HIVEP3: variants seen among roughly 807,000 people sequenced by gnomAD.
HIVEP3 encodes the protein transcription factor HIVEP3.
HIVEP3 carries 49 observed loss-of-function variants against 152.8 expected under a neutral mutation model. That is an observed-to-expected ratio of 0.32 (90% CI 0.26 to 0.41). The LOEUF (loss-of-function observed/expected upper bound fraction) is 0.41. Ranked by LOEUF, HIVEP3 falls within the 10% of genes least tolerant of loss-of-function variation. HIVEP3 has a pLI of 1.00. For missense variants in HIVEP3, 2,790 were observed against 3,103.3 expected (o/e 0.90, Z 2.40); for synonymous variants, 1,269 against 1,289.0 (o/e 0.98, Z 0.33).
intron 5 of HIVEP3, among the ~76,000 whole-genome samples, chr1:41,538,930 G>A (rs537368440): frequency 6.6e-6 from 1 of 152,300 alleles, no homozygotes; most frequent in African/African-American, 2.4e-5. Context: ...CGGATTCATG[G>A]GGCATGGGGG....
At chr1:41,903,410 G>C (rs1463596151) in intron 1 of HIVEP3, among the ~76,000 whole-genome samples, 1 of 152,210 alleles carries the variant, frequency 6.6e-6, no homozygotes, top group Non-Finnish European at 1.5e-5. Context: ...CAAGATTCCT[G>C]TGAAGGTAAC....
At chr1:41,777,103 G>C (rs1648751424) in intron 1 of HIVEP3, among the ~76,000 whole-genome samples, 1 of 152,212 alleles carries the variant, frequency 6.6e-6, no homozygotes, top group Non-Finnish European at 1.5e-5. Flanking sequence ...CCTGGCTTCA[G>C]CTGGGCAGCC....
At chr1:41,603,365 G>A (rs1307138726) in intron 3 of HIVEP3, among the ~76,000 whole-genome samples, 2 of 150,372 alleles carry the variant, frequency 1.3e-5, no homozygotes, top group Non-Finnish European at 3.0e-5. Flanking sequence ...ACCGTGCCTG[G>A]CCTATTTATT....
At chr1:41,624,217 T>A (rs1645085379) in intron 3 of HIVEP3, among the ~76,000 whole-genome samples, 1 of 152,136 alleles carries the variant, frequency 6.6e-6, no homozygotes, top group Non-Finnish European at 1.5e-5. Context: ...CCCTCCATTA[T>A]CCTCCAGTAC....
intron 2 of HIVEP3, among the ~76,000 whole-genome samples, chr1:41,659,990 G>A (rs968728510): frequency 6.6e-6 from 1 of 152,228 alleles, no homozygotes; most frequent in African/African-American, 2.4e-5. Flanking sequence ...AGATGTGTGA[G>A]TATGAACAAG....
intron 1 of HIVEP3, among the ~76,000 whole-genome samples, chr1:41,806,193 C>T (rs1211596933): frequency 6.6e-6 from 1 of 152,200 alleles, no homozygotes; most frequent in African/African-American, 2.4e-5. Flanking sequence ...CACCAAGGCC[C>T]CTCTCAGCCT....
upstream of HIVEP3, among the ~76,000 whole-genome samples, chr1:41,920,835 A>T (rs2124475003): frequency 6.6e-6 from 1 of 152,302 alleles, no homozygotes; most frequent in East Asian, 1.9e-4. Flanking sequence ...GACCAACATG[A>T]ATCACTTCAG....
intron 1 of HIVEP3, among the ~76,000 whole-genome samples, chr1:41,731,505 G>T (rs1363634167): frequency 2.6e-5 from 4 of 152,222 alleles, no homozygotes; most frequent in Non-Finnish European, 5.9e-5. Context: ...ACTGACCTAT[G>T]TAACTAACAG....
intron 1 of HIVEP3, among the ~76,000 whole-genome samples, chr1:41,845,429 A>G (rs916833878): frequency 1.4e-5 from 2 of 147,754 alleles, no homozygotes; most frequent in African/African-American, 2.6e-5. Flanking sequence ...GCACACACAC[A>G]CACACACACA....
At chr1:41,854,483 G>A (rs1444482983) in intron 1 of HIVEP3, among the ~76,000 whole-genome samples, 3 of 148,812 alleles carry the variant, frequency 2.0e-5, no homozygotes, top group African/African-American at 7.5e-5. Context: ...CTGGAGCACT[G>A]CTCAGGGCTC....
chr1:41,631,038 T>G (rs904449321), intron 2 of HIVEP3, among the ~76,000 whole-genome samples: 6 of 152,224 alleles, frequency 3.9e-5, no homozygotes, highest in Non-Finnish European at 8.8e-5. Context: ...TTTTAATAAC[T>G]GACTTGCCAG....
intron 1 of HIVEP3, among the ~76,000 whole-genome samples, chr1:41,846,115 C>T (rs1432624886): frequency 6.6e-6 from 1 of 152,126 alleles, no homozygotes; most frequent in Non-Finnish European, 1.5e-5. Context: ...GCACGAATAA[C>T]ATTCATTCCT....
intron 1 of HIVEP3, among the ~76,000 whole-genome samples, chr1:41,928,397 A>C (rs1199984816): frequency 6.6e-5 from 10 of 152,168 alleles, no homozygotes; most frequent in Admixed American, 6.5e-4. Flanking sequence ...AGACTTATAG[A>C]GGAATTGTAA....
At chr1:41,923,930 C>A (rs1644953910) in intron 1 of HIVEP3, among the ~76,000 whole-genome samples, 1 of 151,976 alleles carries the variant, frequency 6.6e-6, no homozygotes, top group African/African-American at 2.4e-5. Flanking sequence ...GAAAGAAAAG[C>A]ATGTGGTCAT....
At chr1:41,811,867 T>C (rs1650981339) in intron 1 of HIVEP3, among the ~76,000 whole-genome samples, 1 of 151,882 alleles carries the variant, frequency 6.6e-6, no homozygotes, top group Non-Finnish European at 1.5e-5. Flanking sequence ...ACAATTAATA[T>C]AAAGAACCAT....
At chr1:41,599,672 A>G (rs961270689) in intron 3 of HIVEP3, among the ~76,000 whole-genome samples, 3 of 152,214 alleles carry the variant, frequency 2.0e-5, no homozygotes, top group Non-Finnish European at 4.4e-5. Context: ...TGGATTTGGC[A>G]GTAACTTCTT....
At chr1:41,800,280 C>T (rs1650227106) in intron 1 of HIVEP3, among the ~76,000 whole-genome samples, 1 of 152,292 alleles carries the variant, frequency 6.6e-6, no homozygotes, top group African/African-American at 2.4e-5. Context: ...TTCCTTTGGT[C>T]CAAAGGATGT....
intron 5 of HIVEP3, among the ~76,000 whole-genome samples, chr1:41,529,628 C>G (rs1219554155): frequency 6.8e-6 from 1 of 146,178 alleles, no homozygotes. Flanking sequence ...CCCCACACCC[C>G]CCACACCCTC....
intron 1 of HIVEP3, among the ~76,000 whole-genome samples, chr1:41,785,195 C>T (rs1231199035): frequency 6.6e-6 from 1 of 152,188 alleles, no homozygotes; most frequent in Admixed American, 6.5e-5. Flanking sequence ...TTCTGAGCCC[C>T]TCTTCTCTCT....
Sources: allele counts gnomAD v4.1 joint callset (sites outside exome capture counted in the v4.1 genomes callset), GRCh38; gene constraint gnomAD v4.1.1; transcripts MANE v1.5; gene names NCBI Gene and HGNC (gene_info 2026-07-23, HGNC 2026-07-21).